Variants in NUP35 observed in about 807,000 individuals in gnomAD.
NUP35 encodes nucleoporin 35, also known as nucleoporin NUP35.
In NUP35, 25 loss-of-function variants were observed where a neutral mutation model predicts 41.5. The observed-to-expected ratio is 0.60, with a 90% CI of 0.44 to 0.84. NUP35 has a LOEUF of 0.84. Among genes scored for constraint, NUP35 ranks in the 40% least tolerant of loss-of-function variants. NUP35 has a pLI of 0.00. For missense variants in NUP35, 396 were observed against 396.6 expected (o/e 1.00, Z 0.01); for synonymous variants, 149 against 130.7 (o/e 1.14, Z -0.96).
At chr2:183,139,495 A>G (rs1343089575) in intron 4 of NUP35, among the ~76,000 whole-genome samples, 6 of 152,176 alleles carry the variant, frequency 3.9e-5, no homozygotes, top group South Asian at 4.1e-4. Flanking sequence ...GTTAACTTAC[A>G]TATGATTGAG....
At chr2:183,125,260 T>A (rs1009754119) in intron 1 of NUP35, among the ~76,000 whole-genome samples, 2 of 151,938 alleles carry the variant, frequency 1.3e-5, no homozygotes, top group African/African-American at 4.9e-5. Context: ...TCTACCACTT[T>A]AACAGCACGC....
chr2:183,126,064 C>A (rs1264168291), intron 1 of NUP35, among the ~76,000 whole-genome samples: 2 of 151,944 alleles, frequency 1.3e-5, no homozygotes, highest in Non-Finnish European at 2.9e-5. Flanking sequence ...TCTTTTTTGA[C>A]ACAGCCGTGT....
At chr2:183,137,453 C>T (rs1451547249) in intron 4 of NUP35, among the ~76,000 whole-genome samples, 2 of 152,120 alleles carry the variant, frequency 1.3e-5, no homozygotes, top group African/African-American at 4.8e-5. Flanking sequence ...GGCATGGTGG[C>T]ACACACCTGT....
chr2:183,117,734 A>G (rs779290147), intron 1 of NUP35: 7 of 152,216 alleles, frequency 4.6e-5, no homozygotes, highest in Non-Finnish European at 1.0e-4. Flanking sequence ...TTGTATTTAT[A>G]TACAAACACT....
At chr2:183,121,915 T>TTATTATTATTATTATTATTA (rs1553526827), upstream of NUP35, among the ~76,000 whole-genome samples, 1 of 145,322 alleles carries the variant, frequency 6.9e-6, no homozygotes, top group Non-Finnish European at 1.5e-5. Context: ...GGCCATTCTT[T>TTATTATTATTATTATTATTA]TTATTATTAT....
At chr2:183,123,908 A>G, upstream of NUP35, 14 of 722,738 alleles carry the variant, frequency 1.9e-5, no homozygotes, top group Non-Finnish European at 2.4e-5. Flanking sequence ...AATATGCAAC[A>G]AAACGGCGTA....
intron 4 of NUP35, among the ~76,000 whole-genome samples, chr2:183,146,878 G>A (rs901448093): frequency 7.9e-5 from 12 of 152,088 alleles, no homozygotes; most frequent in Non-Finnish European, 1.5e-4. Flanking sequence ...ATTCAGATGT[G>A]AGCCACTGCG....
At chr2:183,139,788 GTCT>G (rs1278802845) in intron 4 of NUP35, among the ~76,000 whole-genome samples, 1 of 152,238 alleles carries the variant, frequency 6.6e-6, no homozygotes, top group Non-Finnish European at 1.5e-5. Flanking sequence ...CTTCCTTAGA[GTCT>G]GCAGCAGGCA....
rs1167235351 is a variant in NUP35 at position 183,130,469 on chromosome 2, C to G, written c.263C>G (p.Ala88Gly). ...VVPAHKDKSG[A>G]PPVRSIYDDI... Reference sequence around the variant, plus strand: ...CCAGCTCATAAAGATAAAAGTGGCGCTCCACCAGTTAGAAGTATATATGAT... The same window carrying G: ...CCAGCTCATAAAGATAAAAGTGGCGGTCCACCAGTTAGAAGTATATATGAT... Residue 88 changes from alanine to glycine, a missense_variant, in exon 3 of 9, where the codon GCT becomes GGT. Ala to Gly is a moderately conservative substitution (Grantham distance 60). Coordinates refer to ENST00000295119, the MANE Select transcript of NUP35 (RefSeq NM_138285.5). The G allele has an allele frequency of 6.2e-7, 1 of 1,610,508 alleles. No individual in the cohort carries two copies.
upstream of NUP35, among the ~76,000 whole-genome samples, chr2:183,123,105 A>G (rs978831628): frequency 3.3e-5 from 5 of 152,206 alleles, no homozygotes; most frequent in African/African-American, 1.2e-4. Context: ...CAAGCTAAGA[A>G]ATATAAGTGG....
chr2:183,138,269 A>ATATATATATATTTTTTT, intron 4 of NUP35, among the ~76,000 whole-genome samples: 32 of 80,674 alleles, frequency 4.0e-4, no homozygotes, highest in South Asian at 9.7e-4. Context: ...ATATATATAT[A>ATATATATATATTTTTTT]TTTTTTTTTT....
At chr2:183,118,956 T>A (rs1294451948) in intron 1 of NUP35, 1 of 152,202 alleles carries the variant, frequency 6.6e-6, no homozygotes, top group Non-Finnish European at 1.5e-5. Flanking sequence ...ATGCGCAATG[T>A]GTTTACTGGA....
intron 8 of NUP35, 77 bp from the exon 9 acceptor site, chr2:183,160,972 TTTAAA>T (rs1015412383): frequency 9.7e-7 from 1 of 1,033,886 alleles, no homozygotes; most frequent in African/African-American, 1.6e-5. Flanking sequence ...GTGTTTCTCT[TTTAAA>T]TGAGCAATTC....
intron 4 of NUP35, among the ~76,000 whole-genome samples, chr2:183,143,087 C>T (rs1264495526): frequency 6.7e-6 from 1 of 148,212 alleles, no homozygotes. Context: ...ACCCGGGAGG[C>T]GGAGCTTGCA....
chr2:183,135,505 G>T (rs1349606332), intron 4 of NUP35, among the ~76,000 whole-genome samples: 1 of 152,162 alleles, frequency 6.6e-6, no homozygotes, highest in Non-Finnish European at 1.5e-5. Flanking sequence ...ACCCAGAAAA[G>T]GTGGAAGACA....
intron 4 of NUP35, among the ~76,000 whole-genome samples, chr2:183,146,223 G>A (rs1685271909): frequency 6.6e-6 from 1 of 151,976 alleles, no homozygotes; most frequent in African/African-American, 2.4e-5. Context: ...GCAATAGAGT[G>A]AGACTCTGTC....
chr2:183,126,729 G>A (rs185889505), intron 1 of NUP35, among the ~76,000 whole-genome samples: 130 of 151,948 alleles, frequency 8.6e-4, no homozygotes, highest in Admixed American at 1.6e-3. Context: ...ATAGTTGGCA[G>A]CTTTCGGATA....
chr2:183,138,573 A>C (rs75976033), intron 4 of NUP35, among the ~76,000 whole-genome samples: 6,680 of 152,164 alleles, frequency 0.044, 239 homozygotes, highest in South Asian at 0.15. Flanking sequence ...AGAAACTCTT[A>C]GTCATGGTAT....
upstream of NUP35, among the ~76,000 whole-genome samples, chr2:183,123,358 T>C (rs114257015): frequency 0.017 from 2,599 of 152,314 alleles, 37 homozygotes; most frequent in Non-Finnish European, 0.025. Flanking sequence ...TATTCATAAG[T>C]ATGAGGGTTA....
Sources: gnomAD v4.1 joint callset for allele counts (sites outside exome capture counted in the v4.1 genomes callset) on GRCh38, gnomAD v4.1.1 for gene constraint, MANE v1.5 for transcripts, NCBI Gene and HGNC (gene_info 2026-07-23, HGNC 2026-07-21) for gene names.